KIAA1671: variants seen among roughly 807,000 people sequenced by gnomAD.
The protein encoded by KIAA1671 is uncharacterized protein KIAA1671.
In KIAA1671, 52 loss-of-function variants were observed where a neutral mutation model predicts 131.2. The observed-to-expected ratio is 0.40, with a 90% CI of 0.32 to 0.50. KIAA1671 has a LOEUF of 0.50. KIAA1671 is among the 20% of genes least tolerant of loss of function. KIAA1671 has a pLI of 0.73. For missense variants in KIAA1671, 2,360 were observed against 2,364.2 expected, an observed-to-expected ratio of 1.00 and a Z score of 0.04; for synonymous variants, 1,003 against 961.6, an observed-to-expected ratio of 1.04 and a Z score of -0.80.
chr22:25,115,416 G>A (rs1426023414), intron 6 of KIAA1671, among the ~76,000 whole-genome samples: 1 of 152,206 alleles, frequency 6.6e-6, no homozygotes, highest in Non-Finnish European at 1.5e-5. Flanking sequence ...CAAACTGAGT[G>A]ACCTTGGGCA....
At chr22:25,122,941 C>T (rs938183148) in intron 6 of KIAA1671, among the ~76,000 whole-genome samples, 1 of 151,948 alleles carries the variant, frequency 6.6e-6, no homozygotes. Flanking sequence ...CGCCACTGCA[C>T]ACCAGCCGGG....
chr22:25,140,007 C>T (rs1360852940), intron 6 of KIAA1671, among the ~76,000 whole-genome samples: 2 of 152,226 alleles, frequency 1.3e-5, no homozygotes, highest in Non-Finnish European at 2.9e-5. Context: ...CAAATGATCA[C>T]AAACTTAGTG....
rs132896 is a variant in KIAA1671 at position 25,163,439 on chromosome 22, A to AT, written c.4531-7361dup. Among the ~76,000 whole-genome samples, 59 of 66,426 alleles carry AT rather than the reference A, an allele frequency of 8.9e-4. 1 individual carries two copies. Among genetic ancestry groups the AT allele is most frequent in the East Asian group, 2.2e-3 (5 of 2,288 alleles). 43.6% of individuals were successfully genotyped at this position (66,426 alleles called of 152,430 possible). On this transcript the variant is annotated intron_variant, in intron 6 of 12. Coordinates refer to ENST00000358431, the MANE Select transcript of KIAA1671 (RefSeq NM_001145206.2). Reference sequence around the variant, plus strand: ...TCTGGACATTATTTTCCTTGGCTGTATTTTTTTTTTTTTTTTTTTTGAGAT... The same window carrying AT: ...TCTGGACATTATTTTCCTTGGCTGTATTTTTTTTTTTTTTTTTTTTTGAGAT...
intron 6 of KIAA1671, among the ~76,000 whole-genome samples, chr22:25,067,862 G>A (rs1928565076): frequency 6.6e-6 from 1 of 152,264 alleles, no homozygotes; most frequent in East Asian, 1.9e-4. Flanking sequence ...GCAGCCGCGA[G>A]CGCTGCATGC....
chr22:25,087,069 A>G (rs1187649329), intron 6 of KIAA1671, among the ~76,000 whole-genome samples: 1 of 152,180 alleles, frequency 6.6e-6, no homozygotes, highest in African/African-American at 2.4e-5. Context: ...TTTAGAATCC[A>G]TGACAACAAA....
chr22:25,097,138 T>C (rs1449239543), intron 6 of KIAA1671, among the ~76,000 whole-genome samples: 2 of 152,218 alleles, frequency 1.3e-5, no homozygotes, highest in African/African-American at 4.8e-5. Flanking sequence ...TACCTACAAG[T>C]GAGACGGCCT....
chr22:25,031,259 C>G (rs923747652), intron 3 of KIAA1671, among the ~76,000 whole-genome samples: 1 of 148,886 alleles, frequency 6.7e-6, no homozygotes, highest in African/African-American at 2.5e-5. Context: ...AGCAGTGGCA[C>G]GATCTTGGCT....
intron 6 of KIAA1671, among the ~76,000 whole-genome samples, chr22:25,130,545 A>G (rs889137523): frequency 6.6e-6 from 1 of 152,246 alleles, no homozygotes; most frequent in Non-Finnish European, 1.5e-5. Flanking sequence ...TGAAAACTTA[A>G]TTAAACACTT....
intron 3 of KIAA1671, 37 bp downstream of exon 3, chr22:25,029,577 C>G: frequency 4.9e-6 from 7 of 1,423,668 alleles, no homozygotes; most frequent in Non-Finnish European, 5.7e-6. Context: ...TCTCAGCCGC[C>G]CACCCACACA....
chr22:25,165,507 T>C (rs1481523155), intron 6 of KIAA1671, among the ~76,000 whole-genome samples: 6 of 152,236 alleles, frequency 3.9e-5, no homozygotes, highest in Admixed American at 2.6e-4. Flanking sequence ...GATAGAAATG[T>C]ATTCTCCATG....
chr22:25,033,572 TCG>T (rs371016369), intron 4 of KIAA1671, among the ~76,000 whole-genome samples: 56 of 122,402 alleles, frequency 4.6e-4, no homozygotes, highest in African/African-American at 1.6e-3. Flanking sequence ...TGGTTTGTTT[TCG>T]TTTTTTTTTT....
At position 25,040,319 on chromosome 22, in the gene KIAA1671, T is replaced by C; in HGVS notation, c.3189T>C (p.Ser1063=). Reference sequence around the variant, plus strand: ...CTAGAAAAATCACTCCACCCTCGTCTCCTCATTCTTTAACATCCACTTTGG... The same window carrying C: ...CTAGAAAAATCACTCCACCCTCGTCCCCTCATTCTTTAACATCCACTTTGG... The part of the protein sequence containing the change: ...EHSRKITPPS[S]PHSLTSTLVS... Residue 1063 remains serine (S), a synonymous_variant, in exon 5 of 13, where the codon TCT becomes TCC. Coordinates refer to ENST00000358431, the MANE Select transcript of KIAA1671 (RefSeq NM_001145206.2). 6.4e-7 allele frequency: 1 copy of C among 1,551,794 alleles called. No homozygotes were observed. The highest frequency in any genetic ancestry group is 1.2e-5 in the South Asian group (1 of 84,064).
At chr22:25,027,630 C>T (rs1251532589) in intron 2 of KIAA1671, among the ~76,000 whole-genome samples, 1 of 152,214 alleles carries the variant, frequency 6.6e-6, no homozygotes, top group Non-Finnish European at 1.5e-5. Context: ...ATCTGTGTAG[C>T]AGAGATCACT....
chr22:24,973,370 C>A (rs1352701499), intron 1 of KIAA1671, among the ~76,000 whole-genome samples: 2 of 149,824 alleles, frequency 1.3e-5, no homozygotes, highest in African/African-American at 5.0e-5. Context: ...TCAGTACAGA[C>A]CCCAAACTGC....
chr22:25,018,201 T>C (rs1324545973), intron 1 of KIAA1671, among the ~76,000 whole-genome samples: 3 of 151,996 alleles, frequency 2.0e-5, no homozygotes, highest in African/African-American at 2.4e-5. Flanking sequence ...CCTACTAGAG[T>C]GTGTCACCAC....
At chr22:25,147,483 G>T (rs545383403) in intron 6 of KIAA1671, among the ~76,000 whole-genome samples, 2 of 152,176 alleles carry the variant, frequency 1.3e-5, no homozygotes, top group South Asian at 4.1e-4. Flanking sequence ...GTGAGCCACC[G>T]CACCTGGCCC....
rs1602089484 is a variant in KIAA1671, at chr22:25,039,519, A to G, written c.2389A>G (p.Ser797Gly). Residue 797 changes from serine (S) to glycine (G), a missense_variant, in exon 5 of 13, where the codon AGT becomes GGT. By Grantham distance (56) the Ser-to-Gly change is moderately conservative (BLOSUM62 0). Coordinates refer to ENST00000358431, the MANE Select transcript of KIAA1671 (RefSeq NM_001145206.2). ...TCAGGCGGGGTCCGTCCAAAGGGCC[A>G]GTTTGATTTGGGAAGCTCGAGGCAT... ...EGQAGSVQRASLIWEARGMPE... is the reference protein window; with the variant it reads ...EGQAGSVQRAGLIWEARGMPE... 2 of 1,551,828 alleles carry G rather than the reference A, an allele frequency of 1.3e-6. No homozygotes were observed. Among genetic ancestry groups the G allele is most frequent in the East Asian group, 4.9e-5 (2 of 40,904 alleles).
chr22:25,071,544 T>A (rs1320071239), intron 6 of KIAA1671, among the ~76,000 whole-genome samples: 1 of 145,004 alleles, frequency 6.9e-6, no homozygotes, highest in Non-Finnish European at 1.5e-5. Flanking sequence ...AAATAATGCA[T>A]GTGCATGGTA....
At chr22:25,061,354 A>G (rs1424619541) in intron 6 of KIAA1671, 1 of 152,110 alleles carries the variant, frequency 6.6e-6, no homozygotes, top group Non-Finnish European at 1.5e-5. Flanking sequence ...CCTGGGTTGC[A>G]CCCTATCCTG....
Sources: gnomAD v4.1 joint callset for allele counts (sites outside exome capture counted in the v4.1 genomes callset) on GRCh38, gnomAD v4.1.1 for gene constraint, MANE v1.5 for transcripts, NCBI Gene and HGNC (gene_info 2026-07-23, HGNC 2026-07-21) for gene names.